The following ARPP21 variants were observed in gnomAD, a reference collection of about 807,000 sequenced individuals.
ARPP21 encodes the protein cAMP regulated phosphoprotein 21.
In ARPP21, 69 loss-of-function variants were observed where a neutral mutation model predicts 113.2. The ratio of observed to expected loss-of-function variants is 0.61; its 90% CI spans 0.50 to 0.74. ARPP21 has a LOEUF of 0.74. ARPP21 is among the 30% of genes least tolerant of loss of function. The pLI, the probability that ARPP21 is intolerant of heterozygous loss-of-function variation, is 0.00. For synonymous variants in ARPP21, 368 were observed against 375.5 expected (o/e 0.98, Z 0.23); for missense variants, 1,070 against 1,037.4 (o/e 1.03, Z -0.43).
chr3:35,660,814 GT>G (rs535695901), intron 1 of ARPP21, among the ~76,000 whole-genome samples: 2 of 152,100 alleles, frequency 1.3e-5, no homozygotes, highest in South Asian at 2.1e-4. Flanking sequence ...ATAGTTGTGG[GT>G]TTTTTTCCCT....
chr3:35,758,668 G>T (rs1004454829), intron 19 of ARPP21, among the ~76,000 whole-genome samples: 1 of 151,832 alleles, frequency 6.6e-6, no homozygotes, highest in Admixed American at 6.6e-5. Flanking sequence ...CAGAAACTAC[G>T]CTTTTGACAA....
intron 19 of ARPP21, among the ~76,000 whole-genome samples, chr3:35,776,444 C>A (rs769428225): frequency 1.3e-5 from 2 of 152,070 alleles, no homozygotes; most frequent in Non-Finnish European, 2.9e-5. Context: ...GAAGGGTGGG[C>A]AACATTTTGT....
chr3:35,717,434 C>T lies in ARPP21; in HGVS notation c.995+77C>T, dbSNP rs192232720. On this transcript the variant is annotated intron_variant, in intron 13 of 20. Transcript: ENST00000684406. Reference sequence around the variant, plus strand: ...AATCAATGTTAAATATTAGTGTACTCGTGTAAAATATATCTGTTCATTTAA... The same window carrying T: ...AATCAATGTTAAATATTAGTGTACTTGTGTAAAATATATCTGTTCATTTAA... 1.1e-3 allele frequency: 1,010 copies of T among 884,006 alleles called. 3 individuals are homozygous for T. The African/African-American group carries it at 0.013, about 11-fold the overall frequency. 54.8% of individuals were successfully genotyped at this position (884,006 alleles called of 1,614,324 possible).
intron 1 of ARPP21, among the ~76,000 whole-genome samples, chr3:35,667,766 A>T (rs867787119): frequency 1.4e-4 from 21 of 151,608 alleles, no homozygotes; most frequent in African/African-American, 4.9e-4. Flanking sequence ...AATGGTATTG[A>T]TGCAGTATCA....
chr3:35,666,072 G>A (rs910477827), intron 1 of ARPP21, among the ~76,000 whole-genome samples: 23 of 152,020 alleles, frequency 1.5e-4, no homozygotes. Context: ...ATTAAAAGTG[G>A]CAAACCTACT....
At chr3:35,715,335 C>A (rs569438149) in intron 11 of ARPP21, 104 bp from the exon 12 acceptor site, 19 of 876,426 alleles carry the variant, frequency 2.2e-5, no homozygotes, top group Middle Eastern at 4.5e-4. Context: ...TTTCTTAATT[C>A]TTTTCCCCTA....
rs2094821332 is a variant in ARPP21, at chr3:35,743,636, G to A, written c.2011-203G>A. Among the ~76,000 whole-genome samples the A allele has an allele frequency of 2.0e-5, 3 of 152,340 alleles. No individual in the cohort carries two copies. The South Asian group carries it at 6.2e-4, about 32-fold the overall frequency. ...ATGGCGTTGGTAAAAGAAAGTCACA[G>A]AACCAGCTCAGATTTAAGTTTGGGA... On this transcript the variant is annotated intron_variant, in intron 18 of 20. Transcript: ENST00000684406.
intron 19 of ARPP21, among the ~76,000 whole-genome samples, chr3:35,747,034 T>C (rs1181209385): frequency 6.6e-6 from 1 of 152,160 alleles, no homozygotes; most frequent in Non-Finnish European, 1.5e-5. Context: ...AAGCCTATGT[T>C]GGTGGTAATT....
intron 1 of ARPP21, among the ~76,000 whole-genome samples, chr3:35,676,178 G>C (rs114498707): frequency 2.0e-5 from 3 of 151,890 alleles, no homozygotes; most frequent in African/African-American, 7.2e-5. Flanking sequence ...CTGGCACAAG[G>C]CCTTTCTTCA....
chr3:35,788,632 C>T (rs1338884114), intron 19 of ARPP21, among the ~76,000 whole-genome samples: 3 of 152,152 alleles, frequency 2.0e-5, no homozygotes, highest in African/African-American at 7.2e-5. Flanking sequence ...TCTGTCATTT[C>T]ATTCATTTCC....
At chr3:35,675,151 A>T (rs946899451) in intron 1 of ARPP21, among the ~76,000 whole-genome samples, 3 of 142,110 alleles carry the variant, frequency 2.1e-5, no homozygotes, top group Middle Eastern at 3.4e-3. Flanking sequence ...GGGAATTTGC[A>T]TTTTTTTTTT....
At chr3:35,737,411 G>C in intron 16 of ARPP21, 49 bp downstream of exon 16, 175 of 1,292,148 alleles carry the variant, frequency 1.4e-4, no homozygotes, top group Middle Eastern at 2.1e-4. Flanking sequence ...TGAGATGAAG[G>C]CTACATAGTC....
At chr3:35,763,706 G>A (rs748402771) in intron 19 of ARPP21, among the ~76,000 whole-genome samples, 6 of 152,064 alleles carry the variant, frequency 3.9e-5, no homozygotes, top group Admixed American at 1.3e-4. Flanking sequence ...TGACTTTAGC[G>A]GCAGTTTAGA....
intron 10 of ARPP21, 31 bp downstream of exon 10, chr3:35,707,113 T>C (rs1179465260): frequency 2.6e-6 from 4 of 1,549,304 alleles, no homozygotes; most frequent in Non-Finnish European, 1.8e-6. Context: ...GTGGCTGACA[T>C]TGTTGTTTTT....
intron 1 of ARPP21, among the ~76,000 whole-genome samples, chr3:35,663,974 T>A (rs1364386029): frequency 6.6e-6 from 1 of 152,194 alleles, no homozygotes; most frequent in Non-Finnish European, 1.5e-5. Flanking sequence ...TGGAAATTGT[T>A]GCAAATGAAA....
intron 1 of ARPP21, among the ~76,000 whole-genome samples, chr3:35,645,230 C>T (rs192348356): frequency 1.1e-4 from 17 of 151,948 alleles, no homozygotes; most frequent in African/African-American, 2.9e-4. Flanking sequence ...ACATTTCACA[C>T]TACTTCAAGA....
chr3:35,753,654 C>A (rs2095476697), intron 19 of ARPP21, among the ~76,000 whole-genome samples: 1 of 151,918 alleles, frequency 6.6e-6, no homozygotes, highest in Admixed American at 6.6e-5. Context: ...TGAAAAGAGA[C>A]CAAAGCCACA....
chr3:35,647,539 T>G (rs1461586617), intron 1 of ARPP21, among the ~76,000 whole-genome samples: 1 of 152,106 alleles, frequency 6.6e-6, no homozygotes. Flanking sequence ...CTCCACGAGA[T>G]TCTACAGGTT....
At chr3:35,685,637 A>G in intron 5 of ARPP21, 1 of 985,226 alleles carries the variant, frequency 1.0e-6, no homozygotes, top group Non-Finnish European at 1.2e-6. Flanking sequence ...CCAGTGTGGG[A>G]AAAACTCTTG....
Sources: gnomAD v4.1 joint callset for allele counts (sites outside exome capture counted in the v4.1 genomes callset) on GRCh38, gnomAD v4.1.1 for gene constraint, MANE v1.5 for transcripts, NCBI Gene and HGNC (gene_info 2026-07-23, HGNC 2026-07-21) for gene names.